UBR2: variants seen among roughly 807,000 people sequenced by gnomAD.
The protein encoded by UBR2 is E3 ubiquitin-protein ligase UBR2.
Under a neutral mutation model 247.9 loss-of-function variants are expected in UBR2, and 92 were observed. That is an observed-to-expected ratio of 0.37 (90% CI 0.31 to 0.44). The LOEUF (loss-of-function observed/expected upper bound fraction) is 0.44, where lower values mean the gene tolerates loss of function less well. Among genes scored for constraint, UBR2 ranks in the 20% least tolerant of loss-of-function variants. The pLI is 1.00. For missense variants in UBR2, 1,613 were observed against 2,112.6 expected (o/e 0.76, Z 4.64); for synonymous variants, 672 against 693.5 (o/e 0.97, Z 0.49).
intron 11 of UBR2, chr6:42,619,435 ATATATATATATATATATATTT>A (rs1217948716): frequency 2.5e-4 from 6 of 24,070 alleles, no homozygotes; most frequent in African/African-American, 3.9e-4. Flanking sequence ...ATATATATAT[ATATATATATATATATATATTT>A]TTTTTTTTTA....
rs915819259 is a variant in UBR2 at position 42,644,261 on chromosome 6, C to T, written c.2145C>T (p.Leu715=). The T allele has an allele frequency of 5.6e-6, 9 of 1,612,262 alleles. No individual in the cohort carries two copies. Among genetic ancestry groups the T allele is most frequent in the Non-Finnish European group, 6.8e-6 (8 of 1,179,642 alleles). ...CAAATCATTTCCTGATGATCATGCT[C>T]AGCCGCTTTGAACTTTATCAGATTT... is the stretch of plus-strand genomic sequence containing the variant. The part of the protein sequence containing the change: ...MDPNHFLMIM[L]SRFELYQIFS... Residue 715 remains leucine (L), a synonymous_variant, in exon 19 of 47, where the codon CTC becomes CTT. Transcript: ENST00000372901.
intron 11 of UBR2, among the ~76,000 whole-genome samples, chr6:42,630,003 T>G (rs893293275): frequency 1.3e-5 from 2 of 151,872 alleles, no homozygotes; most frequent in African/African-American, 4.8e-5. Flanking sequence ...GCTCAAGCAG[T>G]CCTCAACCTC....
intron 42 of UBR2, 51 bp downstream of exon 42, chr6:42,679,883 A>G (rs1582721157): frequency 7.6e-7 from 1 of 1,324,498 alleles, no homozygotes; most frequent in Non-Finnish European, 1.0e-6. Context: ...TATGGAACCA[A>G]ACTTTAGTTA....
At chr6:42,605,615 T>C (rs1793650024) in intron 5 of UBR2, 106 bp from the exon 6 acceptor site, 2 of 978,338 alleles carry the variant, frequency 2.0e-6, no homozygotes, top group Non-Finnish European at 2.9e-6. Context: ...CAGATATGTG[T>C]CCAGTACCTA....
chr6:42,623,685 C>T (rs1344755300), intron 11 of UBR2, among the ~76,000 whole-genome samples: 8 of 151,952 alleles, frequency 5.3e-5, no homozygotes, highest in African/African-American at 1.5e-4. Flanking sequence ...CTCCTGACCT[C>T]GTGATCCACC....
chr6:42,690,612 T>C (rs968010289), intron 46 of UBR2, among the ~76,000 whole-genome samples: 1 of 152,248 alleles, frequency 6.6e-6, no homozygotes, highest in Non-Finnish European at 1.5e-5. Context: ...TTCTTTTTTC[T>C]TTGCACTCTT....
At chr6:42,665,383 T>C in intron 32 of UBR2, 26 bp from the exon 33 acceptor site, 1 of 1,539,962 alleles carries the variant, frequency 6.5e-7, no homozygotes, top group Non-Finnish European at 8.9e-7. Context: ...AATAAAACAC[T>C]AAATACTCTC....
intron 2 of UBR2, among the ~76,000 whole-genome samples, chr6:42,587,150 AC>A (rs1374172244): frequency 6.6e-6 from 1 of 152,068 alleles, no homozygotes; most frequent in Non-Finnish European, 1.5e-5. Context: ...ATGCAATGTT[AC>A]AATTTTTGCT....
At chr6:42,619,447 A>ATATATG (rs1794808576) in intron 11 of UBR2, 2 of 29,618 alleles carry the variant, frequency 6.8e-5, no homozygotes, top group African/African-American at 2.1e-4. Flanking sequence ...ATATATATAT[A>ATATATG]TATATATTTT....
intron 37 of UBR2, 49 bp downstream of exon 37, chr6:42,673,936 AT>A (rs933205036): frequency 2.6e-6 from 4 of 1,526,138 alleles, no homozygotes; most frequent in Non-Finnish European, 3.6e-6. Flanking sequence ...ATCCTCTGAA[AT>A]TTTGTTTTTA....
In UBR2 at chr6:42,652,428, C is replaced by T. The variant is rs550872776; in HGVS notation, c.2615-63C>T. ...TTTGAGTTAAAACTATCAAAAGTAACAAAGAGATAGTTTCTAAAGCATGTT... is the reference window on the plus strand; with the variant it reads ...TTTGAGTTAAAACTATCAAAAGTAATAAAGAGATAGTTTCTAAAGCATGTT... On this transcript the variant is annotated intron_variant, in intron 24 of 46. Transcript: ENST00000372901. 2.0e-4 allele frequency: 307 copies of T among 1,498,142 alleles called. 3 individuals carry two copies. The South Asian group carries it at 3.8e-3, about 18-fold the overall frequency. 92.8% of individuals were successfully genotyped at this position (1,498,142 alleles called of 1,614,324 possible).
rs1399376016 is a variant in UBR2 at position 42,688,244 on chromosome 6, A to G, written c.4882A>G (p.Arg1628Gly). 6.2e-7 allele frequency: 1 copy of G among 1,614,200 alleles called. No homozygotes were observed. Among genetic ancestry groups the G allele is most frequent in the Admixed American group, 1.7e-5 (1 of 60,016 alleles). Residue 1628 changes from arginine (R) to glycine (G), a missense_variant, in exon 45 of 47, where the codon AGA becomes GGA. Arg to Gly is a moderately radical substitution (Grantham distance 125). Transcript: ENST00000372901. ...CCCGAAATCAGGTGGTGATAAGAGC[A>G]GAGCCCCAACTCTGTGCCTTGTGTG... ...SCPKSGGDKS[R>G]APTLCLVCGS... is the part of the protein sequence containing the mutation.
At chr6:42,582,864 TA>T (rs34503582) in intron 2 of UBR2, among the ~76,000 whole-genome samples, 34 of 151,456 alleles carry the variant, frequency 2.2e-4, no homozygotes, top group East Asian at 5.8e-4. Context: ...TTTTTAAAAT[TA>T]AAAAAAAAGT....
Position 42,673,825 on chromosome 6 carries a change from C to T in UBR2, c.4121C>T (p.Ala1374Val). The change falls in exon 37 of 47, where the codon GCA becomes GTA. Residue 1374 changes from alanine to valine, a missense_variant. Transcript: ENST00000372901. ...DCLRSLTRFAAAHWTVASVSV... is the reference protein window; with the variant it reads ...DCLRSLTRFAVAHWTVASVSV... The stretch of plus-strand genomic sequence containing the variant: ...CTTAGGTCATTGACGAGATTTGCCG[C>T]AGCACACTGGACAGTGGCATCAGTT... The T allele has an allele frequency of 6.2e-7, 1 of 1,614,006 alleles. No homozygotes were observed. The highest frequency in any genetic ancestry group is 8.5e-7 in the Non-Finnish European group (1 of 1,179,924).
Position 42,689,718 on chromosome 6 carries a change from C to G in UBR2, c.5126+48C>G. On this transcript the variant is annotated intron_variant, in intron 46 of 46. Transcript: ENST00000372901. This position sits in a 1 kb window ranked among gnomAD's most constrained non-coding sequence, Gnocchi z 4.0. The stretch of plus-strand genomic sequence containing the variant: ...CTAACTCAGGGCCTGCAGCGCCCTT[C>G]CGTATGTGGTGACGTCCTGAGGGTG... 6.5e-7 allele frequency: 1 copy of G among 1,534,648 alleles called. No individual in the cohort carries two copies. The highest frequency in any genetic ancestry group is 9.0e-7 in the Non-Finnish European group (1 of 1,108,320).
chr6:42,689,635 C>T lies in UBR2; in HGVS notation c.5091C>T (p.Tyr1697=). 6.2e-7 allele frequency: 1 copy of T among 1,614,110 alleles called. No individual in the cohort carries two copies. Among genetic ancestry groups the T allele is most frequent in the East Asian group, 2.2e-5 (1 of 44,880 alleles). ...KTKGCFYSPP[Y]LDDYGETDQG... The stretch of plus-strand genomic sequence containing the variant: ...AAGGCTGTTTTTATTCTCCTCCTTA[C>T]CTTGATGACTATGGGGAGACCGACC... Residue 1697 remains tyrosine, a synonymous_variant, in exon 46 of 47, where the codon TAC becomes TAT. Coordinates refer to ENST00000372901, the MANE Select transcript of UBR2 (RefSeq NM_001363705.2). The surrounding 1 kb of genome is among the most constrained non-coding windows in gnomAD (Gnocchi z 4.0).
intron 18 of UBR2, 112 bp from the exon 19 acceptor site, chr6:42,644,102 G>T: frequency 9.2e-7 from 1 of 1,081,940 alleles, no homozygotes; most frequent in Non-Finnish European, 1.3e-6. Context: ...TTTTAGGATT[G>T]GTAAACTGCT....
chr6:42,640,969 T>G (rs1028864589), intron 16 of UBR2, among the ~76,000 whole-genome samples: 3 of 151,918 alleles, frequency 2.0e-5, no homozygotes, highest in African/African-American at 7.3e-5. Flanking sequence ...TCTCAGGTGA[T>G]CCACCTGCCT....
rs35409984 is a variant in UBR2 at position 42,602,761 on chromosome 6, C to CGTGT, written c.532-810_532-807dup. The stretch of plus-strand genomic sequence containing the variant: ...ATGTTTTATTTTTATGCTGTGTGTG[C>CGTGT]GTGTGTGTGTGTGTGTGTGTATTTA... On this transcript the variant is annotated intron_variant, in intron 4 of 46. Coordinates refer to ENST00000372901, the MANE Select transcript of UBR2 (RefSeq NM_001363705.2). 1.7e-3 allele frequency among the ~76,000 whole-genome samples: 253 copies of CGTGT among 145,544 alleles called. 1 individual carries two copies. The highest frequency in any genetic ancestry group is 0.012 in the South Asian group (55 of 4,614).
Sources: allele counts gnomAD v4.1 joint callset (sites outside exome capture counted in the v4.1 genomes callset), GRCh38; gene constraint gnomAD v4.1.1; non-coding constraint Gnocchi (gnomAD v3.1); transcripts MANE v1.5; gene names NCBI Gene and HGNC (gene_info 2026-07-23, HGNC 2026-07-21).